Variants in ARB2A observed in about 807,000 individuals in gnomAD.
The protein encoded by ARB2A is ARB2 cotranscriptional regulator A, also known as cotranscriptional regulator ARB2A.
At chr5:93,784,443 GTC>G in the ARB2A span, 1 of 1,613,468 alleles carries the variant, frequency 6.2e-7, no homozygotes, top group Non-Finnish European at 8.5e-7. Context: ...TGTGAACAGA[GTC>G]TGTCAATGCC....
the ARB2A span, among the ~76,000 whole-genome samples, chr5:93,812,933 G>A: frequency 6.6e-6 from 1 of 152,156 alleles, no homozygotes; most frequent in Non-Finnish European, 1.5e-5. Flanking sequence ...TGAGGATGGA[G>A]CCCCCAAGAT....
chr5:94,005,756 C>T, the ARB2A span, among the ~76,000 whole-genome samples: 1 of 152,142 alleles, frequency 6.6e-6, no homozygotes, highest in Non-Finnish European at 1.5e-5. Context: ...ATAGGATACA[C>T]AGGTGTTGAG....
At chr5:93,881,538 G>A in the ARB2A span, 3 of 1,610,382 alleles carry the variant, frequency 1.9e-6, no homozygotes, top group African/African-American at 1.3e-5. Flanking sequence ...AAATCACGTC[G>A]CTTCTTTGTT....
the ARB2A span, among the ~76,000 whole-genome samples, chr5:93,664,779 C>T: frequency 1.3e-5 from 2 of 152,002 alleles, no homozygotes; most frequent in East Asian, 1.9e-4. Flanking sequence ...AAGACCTTAA[C>T]AGTAAAAGCA....
At chr5:93,954,615 C>T in the ARB2A span, among the ~76,000 whole-genome samples, 1 of 151,692 alleles carries the variant, frequency 6.6e-6, no homozygotes, top group African/African-American at 2.4e-5. Context: ...GGCACAAGGA[C>T]TCTCCTAGCT....
the ARB2A span, among the ~76,000 whole-genome samples, chr5:94,110,832 T>TG: frequency 6.7e-4 from 102 of 152,204 alleles, no homozygotes; most frequent in African/African-American, 2.3e-3. Context: ...TTGGGAGAAA[T>TG]GGACAAATGC....
the ARB2A span, among the ~76,000 whole-genome samples, chr5:93,639,583 TATATTCATG>T: frequency 6.6e-6 from 1 of 152,162 alleles, no homozygotes; most frequent in Non-Finnish European, 1.5e-5. Flanking sequence ...AAGTAAATAA[TATATTCATG>T]AATATGTTAT....
the ARB2A span, among the ~76,000 whole-genome samples, chr5:94,035,526 A>T: frequency 6.6e-6 from 1 of 152,180 alleles, no homozygotes; most frequent in African/African-American, 2.4e-5. Context: ...AAAACCAGTA[A>T]GTTAATTTTA....
chr5:93,732,818 C>A, the ARB2A span, among the ~76,000 whole-genome samples: 2 of 151,832 alleles, frequency 1.3e-5, no homozygotes, highest in Non-Finnish European at 2.9e-5. Flanking sequence ...TCTCCTAGAG[C>A]CTTCCTTTAA....
At chr5:93,644,921 T>C in the ARB2A span, among the ~76,000 whole-genome samples, 2 of 152,224 alleles carry the variant, frequency 1.3e-5, no homozygotes, top group Non-Finnish European at 2.9e-5. Flanking sequence ...TGAATATGGC[T>C]TGAGTGTGAT....
the ARB2A span, among the ~76,000 whole-genome samples, chr5:93,678,844 T>C: frequency 1.3e-5 from 2 of 152,140 alleles, no homozygotes; most frequent in Admixed American, 6.5e-5. Flanking sequence ...TTTGTAAATA[T>C]TACCAACAGG....
chr5:93,711,924 C>T, the ARB2A span, among the ~76,000 whole-genome samples: 13 of 152,104 alleles, frequency 8.5e-5, no homozygotes, highest in Admixed American at 6.5e-5. Flanking sequence ...TTGCTTGGGG[C>T]GAGCGGTAGA....
the ARB2A span, among the ~76,000 whole-genome samples, chr5:93,933,796 T>C: frequency 1.3e-5 from 2 of 151,816 alleles, no homozygotes; most frequent in African/African-American, 4.8e-5. Flanking sequence ...GAGCTTAAAG[T>C]ATAATAATAA....
the ARB2A span, among the ~76,000 whole-genome samples, chr5:93,828,607 C>CTA: frequency 6.6e-5 from 10 of 152,146 alleles, no homozygotes; most frequent in African/African-American, 2.4e-4. Context: ...TCAACAATCT[C>CTA]TAGCCTAGCC....
At chr5:93,877,714 T>C in the ARB2A span, among the ~76,000 whole-genome samples, 43,167 of 152,020 alleles carry the variant, frequency 0.28, 6,441 homozygotes, top group South Asian at 0.5. Context: ...ATACATTCCA[T>C]GAGTCTCAGT....
At chr5:93,915,677 G>A in the ARB2A span, among the ~76,000 whole-genome samples, 2 of 151,850 alleles carry the variant, frequency 1.3e-5, no homozygotes, top group African/African-American at 4.8e-5. Flanking sequence ...TATAGGCAAT[G>A]GTTATCATCT....
chr5:94,086,044 A>C, the ARB2A span, among the ~76,000 whole-genome samples: 1 of 152,240 alleles, frequency 6.6e-6, no homozygotes, highest in Non-Finnish European at 1.5e-5. Context: ...GATGGGAAGA[A>C]GCACATAAGT....
the ARB2A span, among the ~76,000 whole-genome samples, chr5:93,982,377 T>C: frequency 2.0e-5 from 3 of 152,182 alleles, no homozygotes; most frequent in African/African-American, 7.2e-5. Context: ...CTTCTAAATT[T>C]ACCTATCTGC....
chr5:93,709,954 A>G, the ARB2A span, among the ~76,000 whole-genome samples: 2 of 152,248 alleles, frequency 1.3e-5, no homozygotes, highest in African/African-American at 2.4e-5. Context: ...GTTAATGCAT[A>G]TAAGTGCTTA....
Sources: allele counts gnomAD v4.1 joint callset (sites outside exome capture counted in the v4.1 genomes callset), GRCh38; gene constraint gnomAD v4.1.1; transcripts MANE v1.5; gene names NCBI Gene and HGNC (gene_info 2026-07-23, HGNC 2026-07-21).